The following DMC1 variants were observed in gnomAD, a reference collection of about 807,000 sequenced individuals.
DMC1 encodes meiotic recombination protein DMC1 homolog.
A neutral mutation model predicts 50.1 loss-of-function variants in DMC1; 27 were observed. The ratio of observed to expected loss-of-function variants is 0.54; its 90% CI spans 0.40 to 0.74. The LOEUF (loss-of-function observed/expected upper bound fraction) is 0.74, where lower values mean the gene tolerates loss of function less well. Ranked by LOEUF, DMC1 falls within the 30% of genes least tolerant of loss-of-function variation. The probability of loss-of-function intolerance (pLI) is 0.00; values close to 1 mark genes in which losing one functional copy is unlikely to be tolerated. For synonymous variants in DMC1, 148 were observed against 136.1 expected (o/e 1.09, Z -0.61); for missense variants, 295 against 420.2 (o/e 0.70, Z 2.60).
the DMC1 span, among the ~76,000 whole-genome samples, chr22:38,511,445 GGT>G: frequency 6.6e-6 from 1 of 151,720 alleles, no homozygotes; most frequent in Non-Finnish European, 1.5e-5. Flanking sequence ...TGGGTGTGGT[GGT>G]GTGTGTGTGT....
intron 8 of DMC1, chr22:38,549,643 C>A: frequency 3.7e-6 from 1 of 272,102 alleles, no homozygotes; most frequent in Non-Finnish European, 6.9e-6. Flanking sequence ...AATCTTTTTT[C>A]TAACTATTAA....
chr22:38,543,716 C>A (rs1368771217), intron 8 of DMC1, among the ~76,000 whole-genome samples: 1 of 152,132 alleles, frequency 6.6e-6, no homozygotes, highest in Non-Finnish European at 1.5e-5. Flanking sequence ...TACATCTGTT[C>A]CCCTGGTCAT....
chr22:38,534,123 T>C (rs1049992193), intron 12 of DMC1, among the ~76,000 whole-genome samples: 1 of 152,192 alleles, frequency 6.6e-6, no homozygotes, highest in African/African-American at 2.4e-5. Context: ...TTACACGCAG[T>C]GCATGTTCTT....
intron 12 of DMC1, among the ~76,000 whole-genome samples, chr22:38,535,410 C>CCACACACACACA (rs141719568): frequency 2.0e-5 from 3 of 147,932 alleles, no homozygotes; most frequent in South Asian, 2.1e-4. Flanking sequence ...ATGTACACCT[C>CCACACACACACA]CACACACACA....
chr22:38,511,079 A>G, the DMC1 span, among the ~76,000 whole-genome samples: 1 of 145,384 alleles, frequency 6.9e-6, no homozygotes. Context: ...GGTTGCATTG[A>G]GCTATGATTG....
intron 12 of DMC1, among the ~76,000 whole-genome samples, chr22:38,531,314 T>C (rs1269947343): frequency 2.0e-5 from 3 of 152,136 alleles, no homozygotes; most frequent in African/African-American, 7.2e-5. Context: ...GTAAGCCTCA[T>C]CTAGGAGCTA....
chr22:38,520,313 A>G (rs2090010571), intron 13 of DMC1, among the ~76,000 whole-genome samples: 1 of 151,900 alleles, frequency 6.6e-6, no homozygotes, highest in Admixed American at 6.6e-5. Context: ...AAGAAAAATT[A>G]CTCCAAACTT....
At chr22:38,512,037 C>T in the DMC1 span, among the ~76,000 whole-genome samples, 1 of 151,944 alleles carries the variant, frequency 6.6e-6, no homozygotes, top group African/African-American at 2.4e-5. Context: ...TGCAGTGGCA[C>T]AATCTTGGCT....
At chr22:38,556,764 T>G (rs2090472768) in intron 5 of DMC1, among the ~76,000 whole-genome samples, 1 of 152,208 alleles carries the variant, frequency 6.6e-6, no homozygotes, top group Non-Finnish European at 1.5e-5. Flanking sequence ...TTTTGGGATG[T>G]GATCACAGGT....
intron 12 of DMC1, among the ~76,000 whole-genome samples, chr22:38,532,494 A>C (rs2090163865): frequency 1.3e-5 from 2 of 151,062 alleles, no homozygotes; most frequent in Admixed American, 1.3e-4. Context: ...GCTAATTTTT[A>C]TATTTTTAGT....
At chr22:38,549,847 T>C (rs1280660637) in intron 8 of DMC1, 78 bp downstream of exon 8, 16 of 1,082,524 alleles carry the variant, frequency 1.5e-5, no homozygotes, top group Non-Finnish European at 2.0e-5. Flanking sequence ...ACAAAGATTG[T>C]ATATCTCAGA....
chr22:38,524,179 G>C (rs916107749), intron 12 of DMC1, among the ~76,000 whole-genome samples: 1 of 152,208 alleles, frequency 6.6e-6, no homozygotes, highest in Non-Finnish European at 1.5e-5. Flanking sequence ...ACTTTGGGAG[G>C]CTGAGGCAGG....
intron 8 of DMC1, among the ~76,000 whole-genome samples, chr22:38,548,634 G>A (rs1340542673): frequency 6.6e-6 from 1 of 152,174 alleles, no homozygotes; most frequent in Non-Finnish European, 1.5e-5. Flanking sequence ...AACACTTTGG[G>A]AGGCTGAGGT....
At chr22:38,563,364 T>C (rs2090548182) in intron 4 of DMC1, among the ~76,000 whole-genome samples, 1 of 152,152 alleles carries the variant, frequency 6.6e-6, no homozygotes, top group Admixed American at 6.6e-5. Flanking sequence ...TTGGAGAACT[T>C]GGAGAATGGG....
rs16999065 is a variant in DMC1 at position 38,540,715 on chromosome 22, C to T, written c.495-1303G>A. On this transcript the variant is annotated intron_variant, in intron 8 of 13. Transcript: ENST00000216024. The stretch of plus-strand genomic sequence containing the variant: ...TTGTTGTTAGAGCTTTGGTGACAGC[C>T]ACAAAAATCTTCCATTGTTATTGAG... Among the ~76,000 whole-genome samples, 594 of 152,192 alleles carry T rather than the reference C, an allele frequency of 3.9e-3. 4 individuals carry two copies. The highest frequency in any genetic ancestry group is 0.014 in the African/African-American group (566 of 41,510).
chr22:38,560,137 G>C (rs1264570751), intron 5 of DMC1, among the ~76,000 whole-genome samples: 1 of 152,168 alleles, frequency 6.6e-6, no homozygotes, highest in Non-Finnish European at 1.5e-5. Context: ...AAGGAAGACA[G>C]AGTATGAAAG....
At chr22:38,555,743 A>T (rs2145965431) in intron 5 of DMC1, among the ~76,000 whole-genome samples, 1 of 152,126 alleles carries the variant, frequency 6.6e-6, no homozygotes, top group African/African-American at 2.4e-5. Flanking sequence ...GAAAAAACTT[A>T]AAAAAATAGT....
At chr22:38,558,600 A>T (rs1171490028) in intron 5 of DMC1, among the ~76,000 whole-genome samples, 5 of 152,086 alleles carry the variant, frequency 3.3e-5, no homozygotes, top group African/African-American at 1.2e-4. Flanking sequence ...CTGTAGTCCC[A>T]GCTACTCAGG....
intron 12 of DMC1, 41 bp from the exon 13 acceptor site, chr22:38,521,765 C>T: frequency 2.2e-6 from 3 of 1,346,146 alleles, no homozygotes; most frequent in Non-Finnish European, 3.2e-6. Context: ...ATCATATGGA[C>T]TATATATGGC....
Sources: gnomAD v4.1 joint callset for allele counts (sites outside exome capture counted in the v4.1 genomes callset) on GRCh38, gnomAD v4.1.1 for gene constraint, MANE v1.5 for transcripts, NCBI Gene and HGNC (gene_info 2026-07-23, HGNC 2026-07-21) for gene names.